The following ADCY6 variants were observed in gnomAD, a reference collection of about 807,000 sequenced individuals.
ADCY6 encodes the protein adenylate cyclase 6.
A neutral mutation model predicts 111.6 loss-of-function variants in ADCY6; 59 were observed. The ratio of observed to expected loss-of-function variants is 0.53; its 90% CI spans 0.43 to 0.66. The LOEUF (loss-of-function observed/expected upper bound fraction) is 0.66. ADCY6 is among the 30% of genes least tolerant of loss of function. The pLI is 0.00. For missense variants in ADCY6, 1,242 were observed against 1,595.6 expected, an observed-to-expected ratio of 0.78 and a Z score of 3.78; for synonymous variants, 576 against 642.9, an observed-to-expected ratio of 0.90 and a Z score of 1.57.
Position 48,782,487 on chromosome 12 carries a change from C to A in ADCY6, c.864+84G>T. ...CAGCTTCCACCCATGACTCACCCGCCCTTCCTCACTAAGCCCCCACCTGCT... is the reference window on the plus strand; with the variant it reads ...CAGCTTCCACCCATGACTCACCCGCACTTCCTCACTAAGCCCCCACCTGCT... On this transcript the variant is annotated intron_variant, in intron 2 of 21. Coordinates refer to ENST00000357869, the MANE Select transcript of ADCY6 (RefSeq NM_015270.5). The surrounding 1 kb of genome is among the most constrained non-coding windows in gnomAD (Gnocchi z 4.3). 6.7e-7 allele frequency: 1 copy of A among 1,502,730 alleles called. No individual in the cohort carries two copies. The highest frequency in any genetic ancestry group is 8.9e-7 in the Non-Finnish European group (1 of 1,124,776). The allele number at this position is 1,502,730 out of a possible 1,614,324, so 93.1% of individuals were successfully genotyped here.
intron 21 of ADCY6, 98 bp downstream of exon 21, chr12:48,768,839 C>T: frequency 6.5e-7 from 1 of 1,550,314 alleles, no homozygotes; most frequent in Non-Finnish European, 8.8e-7. Flanking sequence ...ATACACAGAA[C>T]ACTAGCCACC....
At position 48,771,160 on chromosome 12, in the gene ADCY6, T is replaced by C; in HGVS notation, c.3052-190A>G. The C allele has an allele frequency of 6.5e-6, 4 of 611,088 alleles. 1 individual carries two copies. The South Asian group carries it at 8.0e-5, about 12-fold the overall frequency. The allele number at this position is 611,088 out of a possible 1,614,324, so 37.9% of individuals were successfully genotyped here. On this transcript the variant is annotated intron_variant, in intron 19 of 21. Transcript: ENST00000357869. The surrounding 1 kb of genome is among the most constrained non-coding windows in gnomAD (Gnocchi z 4.3). Reference sequence around the variant, plus strand: ...GGCAGCCTAGGACTCCAGGCAGGACTTGGGCATACAGCTTCAGAAGGTCCC... The same window carrying C: ...GGCAGCCTAGGACTCCAGGCAGGACCTGGGCATACAGCTTCAGAAGGTCCC...
chr12:48,776,953 G>T lies in ADCY6; in HGVS notation c.1376+151C>A. 7.8e-7 allele frequency: 1 copy of T among 1,280,794 alleles called. No homozygotes were observed. 79.3% of individuals were successfully genotyped at this position (1,280,794 alleles called of 1,614,324 possible). A position where few individuals can be genotyped will look rare whatever the true frequency, so the allele number is the denominator to read the frequency against. ...AGGGGTCCGCATGGGTCTTTGCACA[G>T]GTTGGAGAAAGATTCCCCTTCCCAG... On this transcript the variant is annotated intron_variant, in intron 6 of 21. Transcript: ENST00000357869. The surrounding 1 kb of genome is among the most constrained non-coding windows in gnomAD (Gnocchi z 6.1).
chr12:48,786,140 C>T (rs1378121341), intron 1 of ADCY6, among the ~76,000 whole-genome samples: 2 of 152,118 alleles, frequency 1.3e-5, no homozygotes, highest in African/African-American at 2.4e-5. Context: ...TGTACTCACT[C>T]GGGGACAGGA....
intron 20 of ADCY6, 59 bp from the exon 21 acceptor site, chr12:48,769,120 AT>A (rs1181146230): frequency 6.8e-7 from 1 of 1,461,314 alleles, no homozygotes; most frequent in African/African-American, 1.4e-5. Context: ...CCAGGGAGTC[AT>A]CCCACCTCCT....
intron 12 of ADCY6, 27 bp downstream of exon 12, chr12:48,774,930 C>G: frequency 6.5e-7 from 1 of 1,545,528 alleles, no homozygotes; most frequent in Non-Finnish European, 8.8e-7. Flanking sequence ...AAGAGAGAAG[C>G]TAAGAGAGGA....
intron 1 of ADCY6, among the ~76,000 whole-genome samples, chr12:48,784,434 C>T (rs1181784747): frequency 2.6e-5 from 4 of 151,924 alleles, no homozygotes; most frequent in Non-Finnish European, 5.9e-5. Context: ...TTTGTCTGAC[C>T]CCAAAGCCAG....
chr12:48,776,404 C>T lies in ADCY6; in HGVS notation c.1535+24G>A. 1 of 1,612,452 alleles carries T rather than the reference C, an allele frequency of 6.2e-7. No homozygotes were observed. The highest frequency in any genetic ancestry group is 1.3e-5 in the African/African-American group (1 of 75,016). ...GGCTCTCCCACCTTGCCCCCATCCC[C>T]CCCACCTGGACCCCCCTACTCACCC... On this transcript the variant is annotated intron_variant, in intron 7 of 21. Transcript: ENST00000357869. The surrounding 1 kb of genome is among the most constrained non-coding windows in gnomAD (Gnocchi z 6.1).
At position 48,770,841 on chromosome 12, in the gene ADCY6, C is replaced by A; in HGVS notation, c.3181G>T (p.Asp1061Tyr). The A allele has an allele frequency of 6.2e-7, 1 of 1,614,248 alleles. No individual in the cohort carries two copies. The change falls in exon 20 of 22, where the codon GAC (aspartate) becomes TAC (tyrosine). Residue 1061 changes from aspartate to tyrosine, a missense_variant. By Grantham distance (160) the Asp-to-Tyr change is radical. Coordinates refer to ENST00000357869, the MANE Select transcript of ADCY6 (RefSeq NM_015270.5). ...TGCTCCATGAGCCGCATGGCGTAGTCAGCCAGGGCAGTGATGTGGGAGCGG... is the reference window on the plus strand; with the variant it reads ...TGCTCCATGAGCCGCATGGCGTAGTAAGCCAGGGCAGTGATGTGGGAGCGG... ...VGRSHITALA[D>Y]YAMRLMEQMK...
chr12:48,785,359 C>T (rs1370277985), intron 1 of ADCY6, among the ~76,000 whole-genome samples: 2 of 152,216 alleles, frequency 1.3e-5, no homozygotes, highest in African/African-American at 4.8e-5. Flanking sequence ...GTGGCCCACA[C>T]TTGTAATCCC....
intron 2 of ADCY6, among the ~76,000 whole-genome samples, chr12:48,779,511 G>C (rs1941790767): frequency 6.6e-6 from 1 of 152,088 alleles, no homozygotes; most frequent in Non-Finnish European, 1.5e-5. Context: ...CCCCTAATTG[G>C]AGATGGGGTC....
At position 48,783,115 on chromosome 12, in the gene ADCY6, G is replaced by A. The variant is rs747065337; in HGVS notation, c.320C>T (p.Ala107Val). 3.1e-6 allele frequency: 5 copies of A among 1,609,468 alleles called. No homozygotes were observed. The highest frequency in any genetic ancestry group is 2.2e-5 in the South Asian group (2 of 90,966). ...TTTAGGTAEV[A>V]PDAVPRSGRS... ...CCCACTCCTGGGCACCGCGTCGGGC[G>A]CCACCTCAGCCGTCCCGCCCGCTGT... Residue 107 changes from alanine (A) to valine (V), a missense_variant, in exon 2 of 22, where the codon GCG (alanine) becomes GTG (valine). Around this residue, in one of 4 missense-constraint regions of ADCY6, gnomAD observed 362 missense variants for 377.2 expected, o/e 0.96. Coordinates refer to ENST00000357869, the MANE Select transcript of ADCY6 (RefSeq NM_015270.5).
intron 2 of ADCY6, among the ~76,000 whole-genome samples, chr12:48,780,023 G>C (rs1018178623): frequency 1.3e-5 from 2 of 152,194 alleles, no homozygotes; most frequent in African/African-American, 4.8e-5. Context: ...GGGGTGAAGA[G>C]AGGGGCACAC....
intron 10 of ADCY6, 105 bp downstream of exon 10, chr12:48,775,568 G>C (rs1415739304): frequency 8.3e-6 from 13 of 1,573,596 alleles, no homozygotes; most frequent in African/African-American, 2.7e-5. Context: ...GGTGGCTCCT[G>C]CTCCCACACA....
rs1347811411 is a variant in ADCY6, at chr12:48,782,763, G to A, written c.672C>T (p.Val224=). Reference sequence around the variant, plus strand: ...GCGGGTCTGCTGCGAGAGCGCCCCCGACCTGCACTGCCGCCAGGATGCCCA... The same window carrying A: ...GCGGGTCTGCTGCGAGAGCGCCCCCAACCTGCACTGCCGCCAGGATGCCCA... ...VVLGILAAVQ[V]GGALAADPRS... Residue 224 remains valine, a synonymous_variant, in exon 2 of 22, where the codon GTC becomes GTT. Coordinates refer to ENST00000357869, the MANE Select transcript of ADCY6 (RefSeq NM_015270.5). This position sits in a 1 kb window ranked among gnomAD's most constrained non-coding sequence, Gnocchi z 4.3. 6 of 1,611,348 alleles carry A rather than the reference G, an allele frequency of 3.7e-6. No individual in the cohort carries two copies. Among genetic ancestry groups the A allele is most frequent in the Admixed American group, 1.7e-5 (1 of 59,626 alleles).
At chr12:48,787,554 T>C (rs939684668) in intron 1 of ADCY6, among the ~76,000 whole-genome samples, 4 of 152,146 alleles carry the variant, frequency 2.6e-5, no homozygotes, top group Non-Finnish European at 5.9e-5. Context: ...CAGACTGGTA[T>C]GGCAGGAAAC....
chr12:48,771,609 A>T lies in ADCY6; in HGVS notation c.3051+101T>A, dbSNP rs1941544828. Reference sequence around the variant, plus strand: ...CTTACCCCTGATGACTCTGGGTCCCATCAAATCTCTCTCTCTCTTCCCAGT... The same window carrying T: ...CTTACCCCTGATGACTCTGGGTCCCTTCAAATCTCTCTCTCTCTTCCCAGT... On this transcript the variant is annotated intron_variant, in intron 19 of 21. Coordinates refer to ENST00000357869, the MANE Select transcript of ADCY6 (RefSeq NM_015270.5). This position sits in a 1 kb window ranked among gnomAD's most constrained non-coding sequence, Gnocchi z 4.3. 1 of 1,567,232 alleles carries T rather than the reference A, an allele frequency of 6.4e-7. No individual in the cohort carries two copies. The highest frequency in any genetic ancestry group is 1.1e-5 in the South Asian group (1 of 89,570).
At chr12:48,770,523 TGA>T (rs537519459) in intron 20 of ADCY6, among the ~76,000 whole-genome samples, 11 of 152,208 alleles carry the variant, frequency 7.2e-5, no homozygotes, top group Non-Finnish European at 7.3e-5. Flanking sequence ...TTAATCTCTC[TGA>T]GAGTCAGTCT....
rs1039152154 is a variant in ADCY6 at position 48,774,993 on chromosome 12, C to G, written c.2042G>C (p.Cys681Ser). The G allele has an allele frequency of 6.4e-7, 1 of 1,558,226 alleles. No individual in the cohort carries two copies. The highest frequency in any genetic ancestry group is 1.2e-5 in the South Asian group (1 of 84,394). ...AYVACALLVF[C>S]FICFIQLLIF... ...GAGAAGCTGGATGAAGCAGATGAAG[C>G]AGAAGACCAACAGGGCACAGGCAAC... Residue 681 changes from cysteine (C) to serine (S), a missense_variant, in exon 12 of 22, where the codon TGC becomes TCC. This residue lies in a region of ADCY6 where 375 missense variants were observed against 432.5 expected (regional missense o/e 0.87). Coordinates refer to ENST00000357869, the MANE Select transcript of ADCY6 (RefSeq NM_015270.5).
Sources: gnomAD v4.1 joint callset for allele counts (sites outside exome capture counted in the v4.1 genomes callset) on GRCh38, gnomAD v4.1.1 for gene constraint, gnomAD v4.1.1 regional missense constraint, Gnocchi (gnomAD v3.1) non-coding constraint, MANE v1.5 for transcripts, NCBI Gene and HGNC (gene_info 2026-07-23, HGNC 2026-07-21) for gene names.